The following ASPM variants were observed in gnomAD, a reference collection of about 807,000 sequenced individuals.
The protein encoded by ASPM is assembly factor for spindle microtubules, also known as abnormal spindle-like microcephaly-associated protein.
Under a neutral mutation model 366.4 loss-of-function variants are expected in ASPM, and 256 were observed. The observed-to-expected ratio is 0.70, with a 90% confidence interval of 0.63 to 0.77. The LOEUF is 0.77. Ranked by LOEUF, ASPM falls within the 30% of genes least tolerant of loss-of-function variation. ASPM has a pLI of 0.00. For missense variants in ASPM, 4,146 were observed against 4,090.4 expected, an observed-to-expected ratio of 1.01 and a Z score of -0.37; for synonymous variants, 1,414 against 1,342.9, an observed-to-expected ratio of 1.05 and a Z score of -1.16.
chr1:197,129,366 G>C, intron 8 of ASPM, 49 bp from the exon 9 acceptor site: 1 of 1,572,790 alleles, frequency 6.4e-7, no homozygotes, highest in Non-Finnish European at 8.7e-7. Context: ...TGAAAGGTAG[G>C]TTTCATCTTA....
At chr1:197,115,897 G>A (rs1199896699) in intron 17 of ASPM, among the ~76,000 whole-genome samples, 2 of 152,112 alleles carry the variant, frequency 1.3e-5, no homozygotes, top group African/African-American at 2.4e-5. Flanking sequence ...ATAAGCACTG[G>A]CTTCAACTTA....
At position 197,088,439 on chromosome 1, in the gene ASPM, G is replaced by A; in HGVS notation, c.9985-7C>T. 12 of 1,585,136 alleles carry A rather than the reference G, an allele frequency of 7.6e-6. No homozygotes were observed. The highest frequency in any genetic ancestry group is 1.0e-5 in the Non-Finnish European group (12 of 1,157,658). On this transcript the variant is annotated splice_polypyrimidine_tract_variant and splice_region_variant and intron_variant, in intron 25 of 27. Coordinates refer to ENST00000367409, the MANE Select transcript of ASPM (RefSeq NM_018136.5). Reference sequence around the variant, plus strand: ...CTGAAGTAGTTTTCTCATACTTGAAGAGAACAGAATGAAATTAAAAGTTGT... The same window carrying A: ...CTGAAGTAGTTTTCTCATACTTGAAAAGAACAGAATGAAATTAAAAGTTGT...
At chr1:197,087,375 C>T (rs1230252691) in intron 26 of ASPM, among the ~76,000 whole-genome samples, 1 of 152,038 alleles carries the variant, frequency 6.6e-6, no homozygotes, top group Non-Finnish European at 1.5e-5. Context: ...CGTGCCCAGC[C>T]TGCAGTAAAC....
Position 197,144,168 on chromosome 1 carries a change from C to A in ASPM, c.298-68G>T, listed in dbSNP as rs192702996. Reference sequence around the variant, plus strand: ...CATAATAACCAAAACACCTTATATACAACTTACAATATAGTAGGGCTTAAT... The same window carrying A: ...CATAATAACCAAAACACCTTATATAAAACTTACAATATAGTAGGGCTTAAT... On this transcript the variant is annotated intron_variant, in intron 1 of 27. Coordinates refer to ENST00000367409, the MANE Select transcript of ASPM (RefSeq NM_018136.5). 3.3e-5 allele frequency: 37 copies of A among 1,120,146 alleles called. No homozygotes were observed. The East Asian group carries it at 8.4e-4, about 26-fold the overall frequency. The allele number at this position is 1,120,146 out of a possible 1,614,324, so 69.4% of individuals were successfully genotyped here.
intron 27 of ASPM, 150 bp from the exon 28 acceptor site, chr1:197,084,576 T>C (rs1024880859): frequency 4.6e-6 from 3 of 652,134 alleles, no homozygotes; most frequent in Non-Finnish European, 8.1e-6. Flanking sequence ...CTTCATATTA[T>C]TGCCCATCAC....
At position 197,103,928 on chromosome 1, in the gene ASPM, A is replaced by G; in HGVS notation, c.5323T>C (p.Tyr1775His). ...RKARQYYLKM[Y>H]KAIIVIQNYY... ...TTCTGAATGACAATAATTGCTTTATACATTTTCAGATAATACTGCCGAGCC... is the reference window on the plus strand; with the variant it reads ...TTCTGAATGACAATAATTGCTTTATGCATTTTCAGATAATACTGCCGAGCC... The change falls in exon 18 of 28, where the codon TAT becomes CAT. Residue 1775 changes from tyrosine to histidine, a missense_variant. Tyr to His is a moderately conservative substitution (Grantham distance 83). Coordinates refer to ENST00000367409, the MANE Select transcript of ASPM (RefSeq NM_018136.5). 1 of 1,612,772 alleles carries G rather than the reference A, an allele frequency of 6.2e-7. No individual in the cohort carries two copies. The highest frequency in any genetic ancestry group is 8.5e-7 in the Non-Finnish European group (1 of 1,179,350).
intron 16 of ASPM, among the ~76,000 whole-genome samples, chr1:197,121,429 A>G (rs2125103898): frequency 6.6e-6 from 1 of 152,334 alleles, no homozygotes; most frequent in Admixed American, 6.5e-5. Context: ...AATAAAGGAT[A>G]AAGTAGAAGA....
intron 18 of ASPM, 99 bp from the exon 19 acceptor site, chr1:197,096,263 C>T: frequency 9.3e-7 from 1 of 1,073,040 alleles, no homozygotes; most frequent in Non-Finnish European, 1.4e-6. Flanking sequence ...AAGGTTAGTG[C>T]AGACAAAAAT....
At chr1:197,091,812 C>A in intron 22 of ASPM, 95 bp downstream of exon 22, 2 of 1,313,754 alleles carry the variant, frequency 1.5e-6, no homozygotes, top group Non-Finnish European at 2.2e-6. Flanking sequence ...GTTGTACGAC[C>A]TTAGCATAAA....
intron 16 of ASPM, among the ~76,000 whole-genome samples, chr1:197,121,469 T>C (rs564708742): frequency 6.6e-6 from 1 of 152,282 alleles, no homozygotes; most frequent in African/African-American, 2.4e-5. Flanking sequence ...CTAAGCTTAC[T>C]AGTTAAATCA....
intron 22 of ASPM, 71 bp from the exon 23 acceptor site, chr1:197,091,112 T>G: frequency 8.2e-7 from 1 of 1,213,436 alleles, no homozygotes; most frequent in Non-Finnish European, 1.2e-6. Flanking sequence ...CAAATATACA[T>G]TTATACATAA....
At chr1:197,107,829 A>G (rs1657458462) in intron 17 of ASPM, among the ~76,000 whole-genome samples, 1 of 152,190 alleles carries the variant, frequency 6.6e-6, no homozygotes, top group South Asian at 2.1e-4. Flanking sequence ...GATGGCAAAT[A>G]TCTCAGCTTT....
Position 197,129,220 on chromosome 1 carries a change from A to C in ASPM, c.2727T>G (p.Asp909Glu). ...CGGCATCTTTACAGAAGAGACAAGG[A>C]TCATGATCAATGAGTCTGGAAATTT... is the stretch of plus-strand genomic sequence containing the variant. ...YAKISRLIDH[D>E]PCLFCKDAEF... Residue 909 changes from aspartate (D) to glutamate (E), a missense_variant, in exon 9 of 28, where the codon GAT becomes GAG. Transcript: ENST00000367409. The C allele has an allele frequency of 6.2e-7, 1 of 1,612,654 alleles. No individual in the cohort carries two copies.
intron 12 of ASPM, 88 bp downstream of exon 12, chr1:197,124,782 G>A: frequency 9.4e-7 from 1 of 1,064,962 alleles, no homozygotes; most frequent in Non-Finnish European, 1.5e-6. Context: ...GATGGTTGTT[G>A]TTGTTATTCT....
chr1:197,100,667 CT>C lies in ASPM; in HGVS notation c.8583del (p.Ala2862LeufsTer76). 6.2e-7 allele frequency: 1 copy of C among 1,612,300 alleles called. No homozygotes were observed. Among genetic ancestry groups the C allele is most frequent in the Non-Finnish European group, 8.5e-7 (1 of 1,178,994 alleles). ...VYRRRFVQQK[R>X]AAITLQHYFR... The stretch of plus-strand genomic sequence containing the variant: ...AAATAATGCTGTAAAGTGATAGCAG[CT>C]CTTTTCTGCTGAACAAATCTTCTCC... On this transcript the variant is annotated frameshift_variant, in exon 18 of 28. Transcript: ENST00000367409. LOFTEE classifies it high-confidence loss of function.
intron 27 of ASPM, 84 bp from the exon 28 acceptor site, chr1:197,084,510 G>A (rs1656528519): frequency 2.3e-6 from 2 of 882,072 alleles, no homozygotes; most frequent in African/African-American, 1.7e-5. Context: ...TAACTAAATT[G>A]TAGCTACTCC....
intron 27 of ASPM, 36 bp downstream of exon 27, chr1:197,086,767 G>A: frequency 2.0e-6 from 3 of 1,527,966 alleles, no homozygotes; most frequent in Non-Finnish European, 2.7e-6. Flanking sequence ...TGAATGAACA[G>A]TGACACAAAT....
chr1:197,130,864 A>C (rs570482245), intron 7 of ASPM, among the ~76,000 whole-genome samples: 1 of 152,194 alleles, frequency 6.6e-6, no homozygotes, highest in African/African-American at 2.4e-5. Context: ...TTAGCTACAT[A>C]ATGTGCTTTG....
chr1:197,104,728 TTA>T lies in ASPM; in HGVS notation c.4521_4522del (p.Tyr1507Ter). On this transcript the variant is annotated stop_gained and frameshift_variant, in exon 18 of 28. Coordinates refer to ENST00000367409, the MANE Select transcript of ASPM (RefSeq NM_018136.5). LOFTEE classifies it high-confidence loss of function. ...GGTTAGTATGGACTCTTTTCTTCTT[TTA>T]TATAACTTTTGGGCTTGAAAGCACC... The T allele has an allele frequency of 6.2e-7, 1 of 1,608,856 alleles. No homozygotes were observed. Among genetic ancestry groups the T allele is most frequent in the Non-Finnish European group, 8.5e-7 (1 of 1,178,040 alleles).
Sources: gnomAD v4.1 joint callset for allele counts (sites outside exome capture counted in the v4.1 genomes callset) on GRCh38, gnomAD v4.1.1 for gene constraint, MANE v1.5 for transcripts, NCBI Gene and HGNC (gene_info 2026-07-23, HGNC 2026-07-21) for gene names.